NRF1: variants seen among roughly 807,000 people sequenced by gnomAD.
NRF1 encodes the protein nuclear respiratory factor 1.
In NRF1, 5 loss-of-function variants were observed where a neutral mutation model predicts 58.5. The observed-to-expected ratio is 0.09, with a 90% CI of 0.04 to 0.18. The LOEUF (loss-of-function observed/expected upper bound fraction) is 0.18, where lower values mean the gene tolerates loss of function less well. NRF1 is among the 10% of genes least tolerant of loss of function. The pLI, the probability that NRF1 is intolerant of heterozygous loss-of-function variation, is 1.00. For synonymous variants in NRF1, 224 were observed against 246.7 expected (o/e 0.91, Z 0.86); for missense variants, 288 against 657.7 (o/e 0.44, Z 6.15).
At chr7:129,733,424 G>A (rs557503163) in intron 10 of NRF1, among the ~76,000 whole-genome samples, 2 of 148,694 alleles carry the variant, frequency 1.3e-5, no homozygotes, top group Admixed American at 6.7e-5. Context: ...CCGAGATTGC[G>A]CCACTGCACT....
intron 2 of NRF1, among the ~76,000 whole-genome samples, chr7:129,663,885 G>A (rs4272311): frequency 2.0e-5 from 3 of 152,026 alleles, no homozygotes; most frequent in South Asian, 2.1e-4. Flanking sequence ...AGCACCTCGG[G>A]AGGCCGAGGT....
intron 10 of NRF1, among the ~76,000 whole-genome samples, chr7:129,732,431 CA>C (rs1803602296): frequency 6.6e-6 from 1 of 152,132 alleles, no homozygotes; most frequent in Non-Finnish European, 1.5e-5. Context: ...GAAGTTGGTG[CA>C]ATTACTTTCA....
chr7:129,643,249 C>T (rs1801334532), intron 1 of NRF1, among the ~76,000 whole-genome samples: 1 of 152,102 alleles, frequency 6.6e-6, no homozygotes, highest in African/African-American at 2.4e-5. Flanking sequence ...TAGGAAATAG[C>T]TTTAACTGGC....
chr7:129,617,802 A>C (rs1421792335), intron 1 of NRF1, among the ~76,000 whole-genome samples: 1 of 152,204 alleles, frequency 6.6e-6, no homozygotes, highest in African/African-American at 2.4e-5. Flanking sequence ...AAGTTTGAGT[A>C]GGACTTGGAA....
At chr7:129,708,658 G>T (rs1455629851) in intron 5 of NRF1, among the ~76,000 whole-genome samples, 2 of 152,102 alleles carry the variant, frequency 1.3e-5, no homozygotes, top group African/African-American at 4.8e-5. Flanking sequence ...GATTTTATCA[G>T]CTCGCCTCTT....
Position 129,635,325 on chromosome 7 carries a change from TCCTA to T in NRF1, c.-6-22017_-6-22014del, listed in dbSNP as rs529022959. Among the ~76,000 whole-genome samples the T allele has an allele frequency of 3.0e-4, 45 of 152,346 alleles. 1 individual carries two copies. In the South Asian group the frequency reaches 3.5e-3, roughly 12 times the overall value. ...GATAGCAGAAGAGTTTTGGTTTTTT[TCCTA>T]CCTTTCTCTGGGAGAGCTTTTCAGC... On this transcript the variant is annotated intron_variant, in intron 1 of 10. Coordinates refer to ENST00000393232, the MANE Select transcript of NRF1 (RefSeq NM_005011.5).
chr7:129,689,992 G>A (rs1410488659), intron 4 of NRF1, among the ~76,000 whole-genome samples: 1 of 152,236 alleles, frequency 6.6e-6, no homozygotes, highest in East Asian at 1.9e-4. Flanking sequence ...TTTTAGAAAT[G>A]TAAGTCCTTG....
rs967146349 is a variant in NRF1, at chr7:129,741,995, G to T, written c.1349-13023G>T. Among the ~76,000 whole-genome samples, 1 of 152,186 alleles carries T rather than the reference G, an allele frequency of 6.6e-6. No individual in the cohort carries two copies. The highest frequency in any genetic ancestry group is 6.5e-5 in the Admixed American group (1 of 15,278). On this transcript the variant is annotated intron_variant, in intron 10 of 10. Coordinates refer to ENST00000393232, the MANE Select transcript of NRF1 (RefSeq NM_005011.5). This position sits in a 1 kb window ranked among gnomAD's most constrained non-coding sequence, Gnocchi z 4.0. The stretch of plus-strand genomic sequence containing the variant: ...GAGCAGGATATCAAATGAAGGGGAG[G>T]TTGTGGTTGGAGTCAGTGAAGTGAA...
At chr7:129,698,795 T>C (rs1733769995) in intron 5 of NRF1, among the ~76,000 whole-genome samples, 1 of 152,232 alleles carries the variant, frequency 6.6e-6, no homozygotes, top group South Asian at 2.1e-4. Flanking sequence ...TCTCAGACTA[T>C]GCTTTGAATT....
chr7:129,646,474 G>C (rs1801407350), intron 1 of NRF1, among the ~76,000 whole-genome samples: 1 of 152,194 alleles, frequency 6.6e-6, no homozygotes, highest in South Asian at 2.1e-4. Flanking sequence ...GGGTAATCCA[G>C]ATAGGAAGCA....
chr7:129,712,105 TG>T (rs1258450433), intron 8 of NRF1, among the ~76,000 whole-genome samples: 1 of 151,066 alleles, frequency 6.6e-6, no homozygotes, highest in Non-Finnish European at 1.5e-5. Context: ...GATCACTTGG[TG>T]GGCTAAACAC....
intron 5 of NRF1, among the ~76,000 whole-genome samples, chr7:129,705,634 G>A (rs553953657): frequency 2.6e-4 from 40 of 152,216 alleles, no homozygotes; most frequent in African/African-American, 9.4e-4. Flanking sequence ...AGAGAAGTGA[G>A]TCTGAGTGCA....
At position 129,690,481 on chromosome 7, in the gene NRF1, G is replaced by C; in HGVS notation, c.541G>C (p.Val181Leu). 1 of 1,614,198 alleles carries C rather than the reference G, an allele frequency of 6.2e-7. No individual in the cohort carries two copies. Among genetic ancestry groups the C allele is most frequent in the Non-Finnish European group, 8.5e-7 (1 of 1,180,038 alleles). The stretch of plus-strand genomic sequence containing the variant: ...AGAACACGCCCCTGCGCCACAGGAG[G>C]TTAACTCAGAACTGCCGCCTCTCAC... ...LAEHAPAPQE[V>L]NSELPPLTID... Residue 181 changes from valine to leucine, a missense_variant, in exon 5 of 11, where the codon GTT (valine) becomes CTT (leucine). Val to Leu is a conservative substitution (Grantham distance 32). This residue lies in a region of NRF1 where 212 missense variants were observed against 559.7 expected (regional missense o/e 0.38). Coordinates refer to ENST00000393232, the MANE Select transcript of NRF1 (RefSeq NM_005011.5).
chr7:129,691,358 A>AT (rs1297629849), intron 5 of NRF1, among the ~76,000 whole-genome samples: 113 of 71,324 alleles, frequency 1.6e-3, no homozygotes, highest in Non-Finnish European at 1.2e-3. Flanking sequence ...ATTTATTATT[A>AT]TTATTATTTT....
chr7:129,690,149 A>C (rs1802530822), intron 4 of NRF1, among the ~76,000 whole-genome samples: 1 of 152,194 alleles, frequency 6.6e-6, no homozygotes, highest in Non-Finnish European at 1.5e-5. Flanking sequence ...TTTGACTAAG[A>C]AGCAGTATTT....
chr7:129,709,581 C>G (rs1173266438), intron 6 of NRF1, among the ~76,000 whole-genome samples: 1 of 152,084 alleles, frequency 6.6e-6, no homozygotes, highest in Non-Finnish European at 1.5e-5. Context: ...TACTAAAAAT[C>G]ATTGTTGAAA....
At chr7:129,718,147 G>A (rs1477251303) in intron 9 of NRF1, among the ~76,000 whole-genome samples, 1 of 152,182 alleles carries the variant, frequency 6.6e-6, no homozygotes. Flanking sequence ...ACTGGTTGTT[G>A]ACAGGAAAGA....
chr7:129,682,221 A>T (rs553283877), intron 4 of NRF1, among the ~76,000 whole-genome samples: 1 of 148,684 alleles, frequency 6.7e-6, no homozygotes, highest in African/African-American at 2.5e-5. Flanking sequence ...GCACTTTGGG[A>T]GCTGAGGTGG....
intron 10 of NRF1, among the ~76,000 whole-genome samples, chr7:129,739,651 C>G (rs1235896990): frequency 6.6e-6 from 1 of 151,926 alleles, no homozygotes; most frequent in Non-Finnish European, 1.5e-5. Context: ...CTGCAGAGTC[C>G]AAGCAGGAAA....
Sources: gnomAD v4.1 joint callset for allele counts (sites outside exome capture counted in the v4.1 genomes callset) on GRCh38, gnomAD v4.1.1 for gene constraint, gnomAD v4.1.1 regional missense constraint, Gnocchi (gnomAD v3.1) non-coding constraint, MANE v1.5 for transcripts, NCBI Gene and HGNC (gene_info 2026-07-23, HGNC 2026-07-21) for gene names.